MGAT4C: variants seen among roughly 807,000 people sequenced by gnomAD.
The protein encoded by MGAT4C is MGAT4 family member C.
In MGAT4C, 19 loss-of-function variants were observed where a neutral mutation model predicts 40.1. The observed-to-expected ratio is 0.47, with a 90% CI of 0.33 to 0.70. The LOEUF is 0.70. MGAT4C is among the 30% of genes least tolerant of loss of function. MGAT4C has a pLI of 0.02. For synonymous variants in MGAT4C, 181 were observed against 187.1 expected, an observed-to-expected ratio of 0.97 and a Z score of 0.27; for missense variants, 491 against 563.2, an observed-to-expected ratio of 0.87 and a Z score of 1.30.
At chr12:86,378,055 G>A (rs1294532493) in intron 3 of MGAT4C, among the ~76,000 whole-genome samples, 1 of 152,038 alleles carries the variant, frequency 6.6e-6, no homozygotes, top group Non-Finnish European at 1.5e-5. Flanking sequence ...CCTTTTTAAA[G>A]TTGAATGATA....
chr12:86,476,705 A>G (rs905782109), intron 2 of MGAT4C, among the ~76,000 whole-genome samples: 3 of 152,190 alleles, frequency 2.0e-5, no homozygotes, highest in African/African-American at 7.2e-5. Flanking sequence ...GGATTGGATA[A>G]AGAAAATATG....
At chr12:86,779,268 G>T (rs893769196) in intron 1 of MGAT4C, among the ~76,000 whole-genome samples, 1 of 151,976 alleles carries the variant, frequency 6.6e-6, no homozygotes, top group South Asian at 2.1e-4. Context: ...TTTTTCTCGA[G>T]AATTTTGTGA....
chr12:86,491,126 C>A (rs1342985955), intron 2 of MGAT4C, among the ~76,000 whole-genome samples: 1 of 152,106 alleles, frequency 6.6e-6, no homozygotes, highest in Non-Finnish European at 1.5e-5. Flanking sequence ...AGACCAATAA[C>A]AGGCTCTGAA....
chr12:86,177,819 T>C (rs961602220), intron 1 of MGAT4C, among the ~76,000 whole-genome samples: 3 of 152,180 alleles, frequency 2.0e-5, no homozygotes, highest in Admixed American at 6.5e-5. Flanking sequence ...TAAGGACAGA[T>C]ACTTATATTG....
At chr12:86,488,341 C>A (rs1922743) in intron 2 of MGAT4C, among the ~76,000 whole-genome samples, 14,845 of 150,878 alleles carry the variant, frequency 0.098, 991 homozygotes, top group Middle Eastern at 0.25. Context: ...GCAAGAGTAT[C>A]GCTTCAGCCA....
rs1882938961 is a variant in MGAT4C at position 85,958,502 on chromosome 12, A to G, written c.*20787T>C. 6.6e-6 allele frequency: 1 copy of G among 152,156 alleles called. No homozygotes were observed. Among genetic ancestry groups the G allele is most frequent in the Non-Finnish European group, 1.5e-5 (1 of 68,034 alleles). The allele number at this position is 152,156 out of a possible 1,614,324, so 9.4% of individuals were successfully genotyped here. On this transcript the variant is annotated 3_prime_UTR_variant, in exon 5 of 5. Coordinates refer to ENST00000611864, the MANE Select transcript of MGAT4C (RefSeq NM_001351288.2). ...TCATAATACTTTACATTGAGTCTCT[A>G]TGGTTGACTATATGCTGTGAAGGAA...
intron 2 of MGAT4C, among the ~76,000 whole-genome samples, chr12:86,044,927 T>G (rs7966352): frequency 0.44 from 66,808 of 151,840 alleles, 15,478 homozygotes; most frequent in African/African-American, 0.51. Flanking sequence ...ATCTCAGGTT[T>G]CCAGGATTCC....
chr12:86,259,474 G>T (rs1952610234), upstream of MGAT4C, among the ~76,000 whole-genome samples: 1 of 151,654 alleles, frequency 6.6e-6, no homozygotes, highest in African/African-American at 2.4e-5. Context: ...AAAACTTTAA[G>T]AAACTACAAG....
At chr12:86,238,093 C>A (rs1532262) in intron 1 of MGAT4C, among the ~76,000 whole-genome samples, 4 of 151,776 alleles carry the variant, frequency 2.6e-5, no homozygotes, top group Non-Finnish European at 4.4e-5. Context: ...TTTTGATAAC[C>A]TGTGTGAACC....
rs765751862 is a variant in MGAT4C, at chr12:85,969,217, G to A, written c.*10072C>T. 2 of 151,760 alleles carry A rather than the reference G, an allele frequency of 1.3e-5. No homozygotes were observed. Among genetic ancestry groups the A allele is most frequent in the African/African-American group, 4.8e-5 (2 of 41,478 alleles). The allele number at this position is 151,760 out of a possible 1,614,324, so 9.4% of individuals were successfully genotyped here. A position where few individuals can be genotyped will look rare whatever the true frequency, so the allele number is the denominator to read the frequency against. ...TACTTTCATAGGTAATGGAAGTACC[G>A]ATTAGGAGAGTACCAAATACATATT... On this transcript the variant is annotated 3_prime_UTR_variant, in exon 5 of 5. Transcript: ENST00000611864.
At chr12:86,834,209 T>C (rs1593250615) in intron 1 of MGAT4C, among the ~76,000 whole-genome samples, 1 of 122,430 alleles carries the variant, frequency 8.2e-6, no homozygotes, top group Admixed American at 8.9e-5. Flanking sequence ...GATATAGATA[T>C]AGATATAGGT....
chr12:86,613,644 T>C (rs983207480), intron 2 of MGAT4C, among the ~76,000 whole-genome samples: 2 of 152,118 alleles, frequency 1.3e-5, no homozygotes, highest in African/African-American at 2.4e-5. Context: ...ACTAATAATA[T>C]TTTAGGATCC....
intron 2 of MGAT4C, among the ~76,000 whole-genome samples, chr12:86,568,762 G>A (rs1960238768): frequency 1.3e-5 from 2 of 151,786 alleles, no homozygotes; most frequent in African/African-American, 2.4e-5. Context: ...AGAGAACTTG[G>A]AAATAAATTT....
intron 2 of MGAT4C, among the ~76,000 whole-genome samples, chr12:86,666,496 A>C (rs908147478): frequency 5.3e-5 from 8 of 152,172 alleles, no homozygotes. Context: ...TTTTGAAAAA[A>C]AATGCAGAAA....
intron 4 of MGAT4C, among the ~76,000 whole-genome samples, chr12:86,267,622 T>C (rs1202237026): frequency 6.6e-6 from 1 of 152,132 alleles, no homozygotes; most frequent in Non-Finnish European, 1.5e-5. Context: ...CACTAGACTG[T>C]AGTAATTCAA....
intron 1 of MGAT4C, among the ~76,000 whole-genome samples, chr12:86,166,032 T>C (rs1429760048): frequency 6.6e-6 from 1 of 152,184 alleles, no homozygotes; most frequent in Admixed American, 6.5e-5. Context: ...AAGTGTACTA[T>C]GTATGCAAGA....
chr12:86,015,694 G>C (rs1889020695), intron 2 of MGAT4C: 2 of 152,194 alleles, frequency 1.3e-5, no homozygotes, highest in South Asian at 4.1e-4. Context: ...CAGGGGATCT[G>C]AGCTGTCAAC....
chr12:86,825,148 G>A (rs1952781418), intron 1 of MGAT4C, among the ~76,000 whole-genome samples: 1 of 151,124 alleles, frequency 6.6e-6, no homozygotes, highest in Non-Finnish European at 1.5e-5. Context: ...TGTACTTAAT[G>A]CCTAAATATA....
chr12:86,168,911 A>C (rs1886488961), intron 1 of MGAT4C, among the ~76,000 whole-genome samples: 1 of 152,106 alleles, frequency 6.6e-6, no homozygotes, highest in Admixed American at 6.6e-5. Context: ...GGCTGAGTAC[A>C]ATCTTATGAA....
Sources: gnomAD v4.1 joint callset for allele counts (sites outside exome capture counted in the v4.1 genomes callset) on GRCh38, gnomAD v4.1.1 for gene constraint, MANE v1.5 for transcripts, NCBI Gene and HGNC (gene_info 2026-07-23, HGNC 2026-07-21) for gene names.